Variants in SRRM3 observed in about 807,000 individuals in gnomAD.
SRRM3 encodes the protein serine/arginine repetitive matrix protein 3.
SRRM3 carries 27 observed loss-of-function variants against 66.2 expected under a neutral mutation model. That is an observed-to-expected ratio of 0.41 (90% CI 0.30 to 0.56). SRRM3 has a LOEUF of 0.56. Among genes scored for constraint, SRRM3 ranks in the 20% least tolerant of loss-of-function variants. The pLI is 0.32. For synonymous variants in SRRM3, 391 were observed against 414.9 expected (o/e 0.94, Z 0.70); for missense variants, 918 against 991.9 (o/e 0.93, Z 1.00).
chr7:76,205,192 C>T (rs1261183076), intron 1 of SRRM3, among the ~76,000 whole-genome samples: 2 of 151,850 alleles, frequency 1.3e-5, no homozygotes, highest in African/African-American at 4.8e-5. Context: ...CCTCCTTTCT[C>T]TCTCTCTCTC....
chr7:76,250,884 T>C (rs1801564690), intron 3 of SRRM3, among the ~76,000 whole-genome samples: 1 of 152,132 alleles, frequency 6.6e-6, no homozygotes, highest in African/African-American at 2.4e-5. Context: ...CGAGACTGGA[T>C]TCATCTCTGT....
chr7:76,231,858 C>T (rs1380794758), intron 1 of SRRM3, among the ~76,000 whole-genome samples: 5 of 151,888 alleles, frequency 3.3e-5, no homozygotes, highest in Non-Finnish European at 5.9e-5. Context: ...AGTTGAAGTT[C>T]CCTAGGTGAA....
chr7:76,239,728 AAAAC>A (rs1399618634), intron 2 of SRRM3, among the ~76,000 whole-genome samples: 21 of 152,182 alleles, frequency 1.4e-4, no homozygotes, highest in African/African-American at 4.6e-4. Context: ...AACAAAAACA[AAAAC>A]AAAACAAAAC....
chr7:76,205,580 A>G (rs1160422365), intron 1 of SRRM3, among the ~76,000 whole-genome samples: 3 of 152,090 alleles, frequency 2.0e-5, no homozygotes, highest in African/African-American at 7.2e-5. Flanking sequence ...ATAAGCCTCA[A>G]TCACCTCACC....
chr7:76,285,616 G>T lies in SRRM3; in HGVS notation c.1735G>T (p.Ala579Ser). 6.5e-7 allele frequency: 1 copy of T among 1,548,068 alleles called. No individual in the cohort carries two copies. The highest frequency in any genetic ancestry group is 8.7e-7 in the Non-Finnish European group (1 of 1,145,316). Residue 579 changes from alanine (A) to serine (S), a missense_variant and splice_region_variant, in exon 15 of 15, where the codon GCC becomes TCC. Transcript: ENST00000611745. This position sits in a 1 kb window ranked among gnomAD's most constrained non-coding sequence, Gnocchi z 4.1. ...TAATCAGCTTTTTCTTCCCGGCAGC[G>T]CCCGCAAGCGTCCTATTCCATACTA... The part of the protein sequence containing the change: ...SFMEPRRITS[A>S]RKRPIPYYRP...
At chr7:76,218,315 C>T (rs1554602854) in intron 1 of SRRM3, among the ~76,000 whole-genome samples, 1 of 152,232 alleles carries the variant, frequency 6.6e-6, no homozygotes, top group East Asian at 1.9e-4. Flanking sequence ...TTTGCACCCT[C>T]CCGGGACACA....
At chr7:76,265,326 G>C in intron 9 of SRRM3, 38 bp from the exon 10 acceptor site, 1 of 1,523,516 alleles carries the variant, frequency 6.6e-7, no homozygotes, top group Non-Finnish European at 9.0e-7. Context: ...ACGGGGGGCA[G>C]AATTGAGGTA....
chr7:76,216,657 G>A (rs1180729719), intron 1 of SRRM3, among the ~76,000 whole-genome samples: 1 of 152,234 alleles, frequency 6.6e-6, no homozygotes, highest in African/African-American at 2.4e-5. Flanking sequence ...TCTCAACATG[G>A]ACAGGGGAAT....
At chr7:76,276,420 G>C (rs541740011) in intron 11 of SRRM3, among the ~76,000 whole-genome samples, 1 of 152,162 alleles carries the variant, frequency 6.6e-6, no homozygotes, top group Non-Finnish European at 1.5e-5. Context: ...CAGCCCCCTG[G>C]CTAGCACGGC....
chr7:76,250,957 G>A (rs1048764014), intron 3 of SRRM3, among the ~76,000 whole-genome samples: 1 of 152,194 alleles, frequency 6.6e-6, no homozygotes, highest in South Asian at 2.1e-4. Flanking sequence ...TGAGTGATGA[G>A]CAGAGAGGGT....
intron 1 of SRRM3, among the ~76,000 whole-genome samples, chr7:76,222,178 G>A (rs1186778104): frequency 1.3e-5 from 2 of 152,164 alleles, no homozygotes; most frequent in Non-Finnish European, 2.9e-5. Flanking sequence ...AGCTTTGGGA[G>A]GCCAAGGCAG....
At position 76,283,928 on chromosome 7, in the gene SRRM3, C is replaced by A. The variant is rs187608188; in HGVS notation, c.1733+827C>A. The A allele has an allele frequency of 2.9e-4, 209 of 724,948 alleles. 1 individual carries two copies. The highest frequency in any genetic ancestry group is 3.4e-4 in the Non-Finnish European group (202 of 592,284). The allele number at this position is 724,948 out of a possible 1,614,324, so 44.9% of individuals were successfully genotyped here. A position where few individuals can be genotyped will look rare whatever the true frequency, so the allele number is the denominator to read the frequency against. ...GAACACAGGCAAAAAGTTCTGAGCC[C>A]AACTCTGCCACTGCCTTGCTGGGCA... On this transcript the variant is annotated intron_variant, in intron 14 of 14. Transcript: ENST00000611745.
chr7:76,235,397 G>A (rs1801119938), intron 2 of SRRM3, 98 bp downstream of exon 2: 1 of 1,126,824 alleles, frequency 8.9e-7, no homozygotes, highest in Non-Finnish European at 1.2e-6. Flanking sequence ...AACGTCGTGG[G>A]CGGGGAGAAG....
chr7:76,240,253 G>A (rs571733167), intron 2 of SRRM3, among the ~76,000 whole-genome samples: 3 of 152,100 alleles, frequency 2.0e-5, no homozygotes, highest in Admixed American at 6.6e-5. Context: ...GGAGGCTGAC[G>A]TGAGAGAATT....
At position 76,259,912 on chromosome 7, in the gene SRRM3, G is replaced by A. The variant is rs782352099; in HGVS notation, c.342G>A (p.Ala114=). 8 of 1,601,578 alleles carry A rather than the reference G, an allele frequency of 5.0e-6. No individual in the cohort carries two copies. Among genetic ancestry groups the A allele is most frequent in the South Asian group, 1.1e-5 (1 of 91,010 alleles). Residue 114 remains alanine (A), a synonymous_variant, in exon 4 of 15, where the codon GCG becomes GCA. Coordinates refer to ENST00000611745, the MANE Select transcript of SRRM3 (RefSeq NM_001110199.3). Reference sequence around the variant, plus strand: ...GCGTCCCTGTCGCCGGCAGTGTGGCGGAGACCCCGCGGCTGACCGAGGGCG... The same window carrying A: ...GCGTCCCTGTCGCCGGCAGTGTGGCAGAGACCCCGCGGCTGACCGAGGGCG... The part of the protein sequence containing the change: ...REDRPGGHIV[A]ETPRLTEGAE...
At chr7:76,256,026 G>C in intron 3 of SRRM3, among the ~76,000 whole-genome samples, 1 of 152,062 alleles carries the variant, frequency 6.6e-6, no homozygotes, top group Non-Finnish European at 1.5e-5. Context: ...TCTTTCCCTC[G>C]ATGTATAGAT....
At position 76,243,675 on chromosome 7, in the gene SRRM3, C is replaced by A. The variant is rs74441475; in HGVS notation, c.234-4513C>A. ...GGCCTGAAACCCCCTGCCAGCCCCC[C>A]ACAAGCAGCTGGGGAATGGCCCACC... On this transcript the variant is annotated intron_variant, in intron 2 of 14. Transcript: ENST00000611745. Among the ~76,000 whole-genome samples the A allele has an allele frequency of 9.4e-3, 1,429 of 152,324 alleles. 27 individuals are homozygous for A. The highest frequency in any genetic ancestry group is 0.032 in the African/African-American group (1,344 of 41,586).
chr7:76,213,801 GCT>G (rs1394390645), intron 1 of SRRM3, among the ~76,000 whole-genome samples: 2 of 151,860 alleles, frequency 1.3e-5, no homozygotes, highest in Non-Finnish European at 2.9e-5. Flanking sequence ...ACAGGATTTT[GCT>G]CTGTCACCCA....
At chr7:76,283,832 G>A (rs185620777) in intron 14 of SRRM3, 24 of 985,382 alleles carry the variant, frequency 2.4e-5, no homozygotes, top group Admixed American at 6.1e-5. Flanking sequence ...CTGGGTCTCC[G>A]GGTGACATTA....
Sources: gnomAD v4.1 joint callset for allele counts (sites outside exome capture counted in the v4.1 genomes callset) on GRCh38, gnomAD v4.1.1 for gene constraint, Gnocchi (gnomAD v3.1) non-coding constraint, MANE v1.5 for transcripts, NCBI Gene and HGNC (gene_info 2026-07-23, HGNC 2026-07-21) for gene names.